The following ARMC2 variants were observed in gnomAD, a reference collection of about 807,000 sequenced individuals.
ARMC2 encodes the protein armadillo repeat-containing protein 2.
ARMC2 carries 67 observed loss-of-function variants against 90.3 expected under a neutral mutation model. That is an observed-to-expected ratio of 0.74 (90% CI 0.61 to 0.91). The LOEUF is 0.91. ARMC2 is among the 40% of genes least tolerant of loss of function. ARMC2 has a pLI of 0.00. For missense variants in ARMC2, 920 were observed against 1,030.9 expected (o/e 0.89, Z 1.47); for synonymous variants, 393 against 393.0 (o/e 1.00, Z 0.00).
the ARMC2 span, chr6:109,001,531 G>A: frequency 6.5e-7 from 1 of 1,539,828 alleles, no homozygotes; most frequent in South Asian, 1.1e-5. Flanking sequence ...ATGGTAAATT[G>A]GTGTTAAGGG....
chr6:109,002,384 A>C, the ARMC2 span: 1 of 1,493,096 alleles, frequency 6.7e-7, no homozygotes. Flanking sequence ...TTTGGCAGTA[A>C]ACAAAATGAA....
the ARMC2 span, chr6:109,008,928 G>A: frequency 1.0e-6 from 1 of 989,398 alleles, no homozygotes; most frequent in Non-Finnish European, 1.2e-6. Context: ...GATGAAGGTG[G>A]CTAAATAATC....
chr6:108,982,041 G>A, the ARMC2 span, among the ~76,000 whole-genome samples: 1 of 152,122 alleles, frequency 6.6e-6, no homozygotes, highest in Admixed American at 6.6e-5. Flanking sequence ...CCATTCATCT[G>A]TCAATGAACA....
chr6:109,045,967 G>A, the ARMC2 span, among the ~76,000 whole-genome samples: 1 of 152,162 alleles, frequency 6.6e-6, no homozygotes, highest in African/African-American at 2.4e-5. Context: ...TGAAAAAAGC[G>A]TATTCTGTCT....
chr6:108,863,974 T>A (rs1775549261), intron 3 of ARMC2, among the ~76,000 whole-genome samples: 2 of 152,172 alleles, frequency 1.3e-5, no homozygotes, highest in South Asian at 2.1e-4. Context: ...AGGTAATTGA[T>A]AAGTGAAACA....
At chr6:109,015,070 TA>T in the ARMC2 span, among the ~76,000 whole-genome samples, 1 of 152,306 alleles carries the variant, frequency 6.6e-6, no homozygotes, top group South Asian at 2.1e-4. Context: ...ATGTTTCCAT[TA>T]AAAAATTGTT....
At chr6:108,965,193 T>C (rs1005822264) in intron 17 of ARMC2, 53 bp downstream of exon 17, 100 of 1,496,702 alleles carry the variant, frequency 6.7e-5, no homozygotes, top group Non-Finnish European at 7.8e-5. Flanking sequence ...TGTGAGATAG[T>C]TTTTTTCTGT....
downstream of ARMC2, among the ~76,000 whole-genome samples, chr6:108,977,257 T>A (rs1194103574): frequency 6.6e-6 from 1 of 152,220 alleles, no homozygotes; most frequent in Non-Finnish European, 1.5e-5. Context: ...ATTGAGATAA[T>A]CATGTGTTTT....
At chr6:108,954,472 A>G (rs1777420230) in intron 13 of ARMC2, among the ~76,000 whole-genome samples, 1 of 152,094 alleles carries the variant, frequency 6.6e-6, no homozygotes, top group African/African-American at 2.4e-5. Context: ...AAAATACGAA[A>G]ATTAGCCAGG....
At chr6:108,999,169 C>T in the ARMC2 span, 1 of 153,748 alleles carries the variant, frequency 6.5e-6, no homozygotes, top group Non-Finnish European at 1.4e-5. Context: ...ATAAGGCCTC[C>T]TCAAGGAATT....
chr6:108,979,201 C>T (rs144646090), downstream of ARMC2, among the ~76,000 whole-genome samples: 12 of 152,330 alleles, frequency 7.9e-5, no homozygotes, highest in African/African-American at 2.9e-4. Context: ...GTGACACAAT[C>T]TCTCAGCATT....
At chr6:108,912,221 G>C (rs1773509297) in intron 9 of ARMC2, 114 bp from the exon 10 acceptor site, 2 of 784,230 alleles carry the variant, frequency 2.6e-6, no homozygotes, top group African/African-American at 3.5e-5. Flanking sequence ...CTTGAATGTA[G>C]ATTTTGATAA....
intron 11 of ARMC2, among the ~76,000 whole-genome samples, chr6:108,932,764 G>C (rs1188346029): frequency 1.3e-5 from 2 of 151,882 alleles, no homozygotes; most frequent in Non-Finnish European, 2.9e-5. Flanking sequence ...TCCTGACCTC[G>C]TGATCTGCCC....
At chr6:108,884,328 A>G (rs930197000) in intron 5 of ARMC2, among the ~76,000 whole-genome samples, 1 of 152,180 alleles carries the variant, frequency 6.6e-6, no homozygotes, top group Non-Finnish European at 1.5e-5. Context: ...AGACTTACCA[A>G]ATTAGAATCT....
chr6:108,964,724 A>G (rs982425663), intron 16 of ARMC2, among the ~76,000 whole-genome samples: 7 of 151,768 alleles, frequency 4.6e-5, no homozygotes, highest in African/African-American at 1.7e-4. Context: ...CAGTGAGTGG[A>G]GGTTGCGGTG....
chr6:108,858,642 TA>T (rs551752860), intron 3 of ARMC2, among the ~76,000 whole-genome samples: 61 of 150,682 alleles, frequency 4.0e-4, no homozygotes, highest in African/African-American at 1.3e-3. Flanking sequence ...TATACATATA[TA>T]AAAATCATAT....
intron 13 of ARMC2, among the ~76,000 whole-genome samples, chr6:108,955,446 T>TG (rs1777509403): frequency 6.6e-6 from 1 of 152,218 alleles, no homozygotes; most frequent in Admixed American, 6.5e-5. Flanking sequence ...AGGGCACGTT[T>TG]TTGTTATTTT....
chr6:108,909,683 G>C (rs766629781), intron 8 of ARMC2, among the ~76,000 whole-genome samples: 1 of 151,944 alleles, frequency 6.6e-6, no homozygotes, highest in African/African-American at 2.4e-5. Context: ...TTACAGGCGC[G>C]TGCCACCACA....
At chr6:109,008,819 T>C in the ARMC2 span, 3 of 985,434 alleles carry the variant, frequency 3.0e-6, no homozygotes, top group African/African-American at 3.5e-5. Flanking sequence ...CATAACGTCA[T>C]AGAGCTTGCA....
Sources: gnomAD v4.1 joint callset for allele counts (sites outside exome capture counted in the v4.1 genomes callset) on GRCh38, gnomAD v4.1.1 for gene constraint, MANE v1.5 for transcripts, NCBI Gene and HGNC (gene_info 2026-07-23, HGNC 2026-07-21) for gene names.